USP12: variants seen among roughly 807,000 people sequenced by gnomAD.
USP12 encodes ubiquitin carboxyl-terminal hydrolase 12.
In USP12, 19 loss-of-function variants were observed where a neutral mutation model predicts 45.5. The ratio of observed to expected loss-of-function variants is 0.42; its 90% confidence interval spans 0.29 to 0.61. The LOEUF (loss-of-function observed/expected upper bound fraction) is 0.61, where lower values mean the gene tolerates loss of function less well. Ranked by LOEUF, USP12 falls within the 20% of genes least tolerant of loss-of-function variation. The probability of loss-of-function intolerance (pLI) is 0.22; values close to 1 mark genes in which losing one functional copy is unlikely to be tolerated. For synonymous variants in USP12, 149 were observed against 148.8 expected (o/e 1.00, Z -0.01); for missense variants, 242 against 447.7 (o/e 0.54, Z 4.15).
intron 1 of USP12, among the ~76,000 whole-genome samples, chr13:27,117,378 C>T (rs971602439): frequency 1.3e-5 from 2 of 151,868 alleles, no homozygotes; most frequent in Non-Finnish European, 2.9e-5. Flanking sequence ...GAAGTATAAA[C>T]CTGAAATTCT....
At chr13:27,139,407 G>A (rs1876952249) in intron 1 of USP12, among the ~76,000 whole-genome samples, 1 of 152,186 alleles carries the variant, frequency 6.6e-6, no homozygotes, top group African/African-American at 2.4e-5. Flanking sequence ...CCTGAGGTCA[G>A]GAGTTTGAGA....
chr13:27,096,915 C>G (rs1874607018), intron 3 of USP12, among the ~76,000 whole-genome samples: 1 of 151,834 alleles, frequency 6.6e-6, no homozygotes, highest in African/African-American at 2.4e-5. Context: ...TAAGATAAAA[C>G]AAATTAACAA....
intron 6 of USP12, among the ~76,000 whole-genome samples, chr13:27,086,985 T>C (rs1874073781): frequency 6.6e-6 from 1 of 152,168 alleles, no homozygotes; most frequent in African/African-American, 2.4e-5. Context: ...CACTTAAAAA[T>C]CTGAGCTCTT....
In USP12 at chr13:27,068,251, C is replaced by T. The variant is rs371014000; in HGVS notation, c.*1032G>A. On this transcript the variant is annotated 3_prime_UTR_variant, in exon 9 of 9. Coordinates refer to ENST00000282344, the MANE Select transcript of USP12 (RefSeq NM_182488.4). ...CTTAAGAATTCTAAAGATTGGTATA[C>T]CACCACTGCACCAGAATTTTTAATT... 3 of 152,644 alleles carry T rather than the reference C, an allele frequency of 2.0e-5. No individual in the cohort carries two copies. In the East Asian group the frequency reaches 5.8e-4, roughly 29 times the overall value. 9.5% of individuals were successfully genotyped at this position (152,644 alleles called of 1,614,324 possible). A position where few individuals can be genotyped will look rare whatever the true frequency, so the allele number is the denominator to read the frequency against.
At chr13:27,098,205 G>T (rs912618109) in intron 3 of USP12, among the ~76,000 whole-genome samples, 1 of 152,004 alleles carries the variant, frequency 6.6e-6, no homozygotes, top group Non-Finnish European at 1.5e-5. Context: ...TATAATTGTT[G>T]TTGCTACTGA....
chr13:27,161,046 G>A (rs977720816), intron 1 of USP12, among the ~76,000 whole-genome samples: 3 of 151,930 alleles, frequency 2.0e-5, no homozygotes, highest in African/African-American at 7.3e-5. Flanking sequence ...ATTATATCCC[G>A]TTTTGTGGAA....
At chr13:27,098,792 A>G (rs903721683) in intron 3 of USP12, among the ~76,000 whole-genome samples, 1 of 152,174 alleles carries the variant, frequency 6.6e-6, no homozygotes, top group African/African-American at 2.4e-5. Flanking sequence ...TCAACAGGAG[A>G]ATGATTTATT....
At chr13:27,136,732 T>C (rs1357131452) in intron 1 of USP12, among the ~76,000 whole-genome samples, 2 of 152,184 alleles carry the variant, frequency 1.3e-5, no homozygotes, top group Non-Finnish European at 2.9e-5. Context: ...GATATATGCA[T>C]TATATGGTCC....
At chr13:27,125,482 G>A (rs1401443276) in intron 1 of USP12, among the ~76,000 whole-genome samples, 1 of 152,180 alleles carries the variant, frequency 6.6e-6, no homozygotes, top group African/African-American at 2.4e-5. Context: ...GGAACTGAGA[G>A]TTGCTTCCAA....
At chr13:27,133,497 G>A (rs768075514) in intron 1 of USP12, among the ~76,000 whole-genome samples, 4 of 152,144 alleles carry the variant, frequency 2.6e-5, no homozygotes, top group South Asian at 2.1e-4. Flanking sequence ...GTGTGGTGGC[G>A]GGCACCTGCA....
At chr13:27,171,082 C>G (rs1330721456) in intron 1 of USP12, among the ~76,000 whole-genome samples, 1 of 151,130 alleles carries the variant, frequency 6.6e-6, no homozygotes, top group Non-Finnish European at 1.5e-5. Context: ...CCTTCCTGCC[C>G]GCCGACCCCC....
chr13:27,142,071 G>A (rs549765339), intron 1 of USP12, among the ~76,000 whole-genome samples: 23 of 152,288 alleles, frequency 1.5e-4, no homozygotes, highest in African/African-American at 5.3e-4. Context: ...GCACTGAGCT[G>A]AGATCGTGCC....
chr13:27,133,496 C>A (rs1030055336), intron 1 of USP12, among the ~76,000 whole-genome samples: 1 of 152,050 alleles, frequency 6.6e-6, no homozygotes, highest in Non-Finnish European at 1.5e-5. Context: ...GGTGTGGTGG[C>A]GGGCACCTGC....
intron 7 of USP12, among the ~76,000 whole-genome samples, chr13:27,072,141 C>G (rs562307170): frequency 1.4e-4 from 21 of 151,220 alleles, no homozygotes; most frequent in Non-Finnish European, 2.7e-4. Flanking sequence ...CACATCAAAA[C>G]TTTTTCTTAA....
intron 2 of USP12, among the ~76,000 whole-genome samples, chr13:27,115,342 A>G (rs1196955098): frequency 1.3e-5 from 2 of 152,178 alleles, no homozygotes; most frequent in African/African-American, 4.8e-5. Flanking sequence ...AAGGTAAGGG[A>G]GTGCTGATTC....
chr13:27,090,210 G>A, intron 4 of USP12, 52 bp from the exon 5 acceptor site: 1 of 1,420,502 alleles, frequency 7.0e-7, no homozygotes, highest in East Asian at 2.3e-5. Flanking sequence ...GTAAACCACA[G>A]TTCCCAATTA....
intron 1 of USP12, among the ~76,000 whole-genome samples, chr13:27,150,406 C>G (rs1877514203): frequency 6.6e-6 from 1 of 152,104 alleles, no homozygotes; most frequent in South Asian, 2.1e-4. Context: ...TTTCAAAACT[C>G]TGAAAACTAC....
intron 1 of USP12, among the ~76,000 whole-genome samples, chr13:27,167,204 G>A (rs1878385966): frequency 6.6e-6 from 1 of 151,984 alleles, no homozygotes; most frequent in African/African-American, 2.4e-5. Context: ...GGAGGTTGCG[G>A]TGAGCCAAGA....
intron 2 of USP12, among the ~76,000 whole-genome samples, chr13:27,107,239 C>T (rs1188743821): frequency 3.9e-5 from 6 of 152,118 alleles, no homozygotes; most frequent in Admixed American, 6.5e-5. Context: ...GTATGAGAAT[C>T]GCTTGAACCT....
Sources: gnomAD v4.1 joint callset for allele counts (sites outside exome capture counted in the v4.1 genomes callset) on GRCh38, gnomAD v4.1.1 for gene constraint, MANE v1.5 for transcripts, NCBI Gene and HGNC (gene_info 2026-07-23, HGNC 2026-07-21) for gene names.